The following RANBP2 variants were observed in gnomAD, a reference collection of about 807,000 sequenced individuals.
RANBP2 encodes the protein RAN binding protein 2.
Under a neutral mutation model 303.6 loss-of-function variants are expected in RANBP2, and 57 were observed. That is an observed-to-expected ratio of 0.19 (90% CI 0.15 to 0.23). RANBP2 has a LOEUF of 0.23. Ranked by LOEUF, RANBP2 falls within the 10% of genes least tolerant of loss-of-function variation. The pLI is 1.00. For missense variants in RANBP2, 3,138 were observed against 3,780.8 expected, an observed-to-expected ratio of 0.83 and a Z score of 4.46; for synonymous variants, 1,167 against 1,301.5, an observed-to-expected ratio of 0.90 and a Z score of 2.23.
At chr2:109,354,125 A>G in the RANBP2 span, among the ~76,000 whole-genome samples, 1 of 152,204 alleles carries the variant, frequency 6.6e-6, no homozygotes, top group Non-Finnish European at 1.5e-5. Context: ...TTATTTCTGC[A>G]CCAAAAGGCT....
At chr2:109,004,311 G>A in the RANBP2 span, among the ~76,000 whole-genome samples, 1 of 152,168 alleles carries the variant, frequency 6.6e-6, no homozygotes, top group African/African-American at 2.4e-5. Flanking sequence ...CTCCCAACAG[G>A]AGCCAAGCCA....
the RANBP2 span, among the ~76,000 whole-genome samples, chr2:109,115,769 C>T: frequency 2.6e-5 from 4 of 151,748 alleles, no homozygotes; most frequent in South Asian, 2.1e-4. Context: ...TGGCTGGTAC[C>T]GGTTGTTCCT....
the RANBP2 span, chr2:108,815,985 G>A: frequency 6.2e-7 from 1 of 1,613,146 alleles, no homozygotes; most frequent in African/African-American, 1.3e-5. Flanking sequence ...CTGTCTTCAT[G>A]GACTGGATTT....
the RANBP2 span, among the ~76,000 whole-genome samples, chr2:109,632,776 G>A: frequency 7.5e-4 from 113 of 151,554 alleles, 1 homozygote; most frequent in African/African-American, 2.7e-3. Context: ...CCGAGATCAC[G>A]CCACTGCACT....
At chr2:109,479,560 G>A in the RANBP2 span, among the ~76,000 whole-genome samples, 2 of 152,146 alleles carry the variant, frequency 1.3e-5, no homozygotes, top group African/African-American at 4.8e-5. Flanking sequence ...CGGCCTCATG[G>A]GCAGAGGAAG....
At chr2:109,490,719 C>T in the RANBP2 span, 60 of 1,535,090 alleles carry the variant, frequency 3.9e-5, no homozygotes, top group Non-Finnish European at 5.1e-5. Flanking sequence ...CGTGGACGCC[C>T]TGCTCCAAGG....
chr2:109,139,231 G>C, the RANBP2 span, among the ~76,000 whole-genome samples: 1 of 152,172 alleles, frequency 6.6e-6, no homozygotes, highest in South Asian at 2.1e-4. Context: ...GTGTTTGCAT[G>C]AGAAAATGCG....
At chr2:109,020,619 T>C in the RANBP2 span, among the ~76,000 whole-genome samples, 2 of 152,146 alleles carry the variant, frequency 1.3e-5, no homozygotes, top group Non-Finnish European at 2.9e-5. Context: ...ATATTAACAA[T>C]AATCTAACAA....
At chr2:109,492,568 G>A in the RANBP2 span, among the ~76,000 whole-genome samples, 1 of 152,156 alleles carries the variant, frequency 6.6e-6, no homozygotes, top group African/African-American at 2.4e-5. Flanking sequence ...AGCGCTACAT[G>A]TGTGTAGTCT....
At chr2:109,403,282 C>G in the RANBP2 span, among the ~76,000 whole-genome samples, 1 of 152,178 alleles carries the variant, frequency 6.6e-6, no homozygotes, top group African/African-American at 2.4e-5. Flanking sequence ...GTTTGCCTGT[C>G]CCCCATCTCT....
the RANBP2 span, among the ~76,000 whole-genome samples, chr2:109,101,678 A>G: frequency 6.6e-6 from 1 of 152,222 alleles, no homozygotes; most frequent in Non-Finnish European, 1.5e-5. Flanking sequence ...AAACAAGAGA[A>G]GGAAGGAGAG....
the RANBP2 span, among the ~76,000 whole-genome samples, chr2:108,898,305 C>T: frequency 6.6e-6 from 1 of 152,112 alleles, no homozygotes; most frequent in Non-Finnish European, 1.5e-5. Context: ...TCCTCTGCCC[C>T]CGTGGTGACC....
the RANBP2 span, among the ~76,000 whole-genome samples, chr2:109,559,443 C>A: frequency 6.6e-6 from 1 of 152,184 alleles, no homozygotes; most frequent in Non-Finnish European, 1.5e-5. Flanking sequence ...ACTGCTCCCA[C>A]CCAGTCCGTA....
downstream of RANBP2, among the ~76,000 whole-genome samples, chr2:108,789,221 A>G (rs1679493926): frequency 6.6e-6 from 1 of 152,214 alleles, no homozygotes; most frequent in South Asian, 2.1e-4. Context: ...TAAAAGATGA[A>G]AAAATATATT....
At chr2:109,674,822 T>A in the RANBP2 span, among the ~76,000 whole-genome samples, 2 of 152,208 alleles carry the variant, frequency 1.3e-5, no homozygotes, top group Non-Finnish European at 1.5e-5. Context: ...ATTTACATTT[T>A]ATTCTGAAAC....
the RANBP2 span, among the ~76,000 whole-genome samples, chr2:109,482,461 T>C: frequency 6.6e-6 from 1 of 152,232 alleles, no homozygotes; most frequent in Non-Finnish European, 1.5e-5. Flanking sequence ...AACACCGTGC[T>C]GTGGCTGTTT....
At chr2:109,129,547 C>T in the RANBP2 span, 5 of 1,495,912 alleles carry the variant, frequency 3.3e-6, no homozygotes, top group Admixed American at 2.2e-5. Context: ...CCCCATGCTG[C>T]TCGGAGCGTC....
the RANBP2 span, among the ~76,000 whole-genome samples, chr2:109,488,601 G>C: frequency 6.6e-6 from 1 of 152,144 alleles, no homozygotes; most frequent in Admixed American, 6.5e-5. Flanking sequence ...GACCCCTCAC[G>C]GTTTCTTCTT....
the RANBP2 span, among the ~76,000 whole-genome samples, chr2:108,924,571 A>G: frequency 1.7e-4 from 26 of 152,142 alleles, no homozygotes; most frequent in Admixed American, 5.2e-4. Flanking sequence ...GCCAGGCCCC[A>G]TGGAGGCCCC....
Sources: allele counts gnomAD v4.1 joint callset (sites outside exome capture counted in the v4.1 genomes callset), GRCh38; gene constraint gnomAD v4.1.1; transcripts MANE v1.5; gene names NCBI Gene and HGNC (gene_info 2026-07-23, HGNC 2026-07-21).